The following DCHS1 variants were observed in gnomAD, a reference collection of about 807,000 sequenced individuals.
DCHS1 encodes dachsous cadherin-related 1, also known as protocadherin-16.
Under a neutral mutation model 213.9 loss-of-function variants are expected in DCHS1, and 78 were observed. The ratio of observed to expected loss-of-function variants is 0.36; its 90% confidence interval spans 0.30 to 0.44. The LOEUF is 0.44. Ranked by LOEUF, DCHS1 falls within the 20% of genes least tolerant of loss-of-function variation. The pLI is 1.00. For missense variants in DCHS1, 3,946 were observed against 4,395.9 expected, an observed-to-expected ratio of 0.90 and a Z score of 2.89; for synonymous variants, 1,828 against 1,873.7, an observed-to-expected ratio of 0.98 and a Z score of 0.63.
chr11:6,629,836 T>C lies in DCHS1; in HGVS notation c.4871A>G (p.His1624Arg). ...CGTGGCCGAGCGCGGCGGGGAGCCG[T>C]GGTCTGAGGCCACCACTGTCAGTAC... Reference protein sequence around the residue: ...EHVLTVVASDHGSPPRSATQV... With the variant: ...EHVLTVVASDRGSPPRSATQV... The change falls in exon 11 of 21, where the codon CAC (histidine) becomes CGC (arginine). Residue 1624 changes from histidine (H) to arginine (R), a missense_variant. Transcript: ENST00000299441. The C allele has an allele frequency of 6.2e-7, 1 of 1,613,032 alleles. No individual in the cohort carries two copies. The highest frequency in any genetic ancestry group is 1.1e-5 in the South Asian group (1 of 91,078).
rs775661894 is a variant in DCHS1, at chr11:6,640,561, A to G, written c.1053T>C (p.His351=). The G allele has an allele frequency of 6.2e-7, 1 of 1,609,228 alleles. No homozygotes were observed. The highest frequency in any genetic ancestry group is 1.1e-5 in the South Asian group (1 of 91,082). The change falls in exon 2 of 21, where the codon CAT becomes CAC. Residue 351 remains histidine, a synonymous_variant. Coordinates refer to ENST00000299441, the MANE Select transcript of DCHS1 (RefSeq NM_003737.4). The surrounding 1 kb of genome is among the most constrained non-coding windows in gnomAD (Gnocchi z 6.5). ...PELGSAFVTV[H]VRDANDNQPS... ...GCTGATTGTCATTGGCATCTCGCAC[A>G]TGCACAGTCACAAAGGCCGAGCCCA...
chr11:6,626,130 C>A lies in DCHS1; in HGVS notation c.6576+39G>T. On this transcript the variant is annotated intron_variant, in intron 16 of 20. Coordinates refer to ENST00000299441, the MANE Select transcript of DCHS1 (RefSeq NM_003737.4). The surrounding 1 kb of genome is among the most constrained non-coding windows in gnomAD (Gnocchi z 5.2). ...TCTGGCCACAGACAAGTCTGACTAGCCCTGCTCCCCCGCCCAATCTTTCCA... is the reference window on the plus strand; with the variant it reads ...TCTGGCCACAGACAAGTCTGACTAGACCTGCTCCCCCGCCCAATCTTTCCA... The A allele has an allele frequency of 1.3e-6, 2 of 1,594,410 alleles. No individual in the cohort carries two copies. Among genetic ancestry groups the A allele is most frequent in the Non-Finnish European group, 1.7e-6 (2 of 1,170,472 alleles).
intron 1 of DCHS1, among the ~76,000 whole-genome samples, chr11:6,646,979 G>A (rs1035141345): frequency 2.6e-5 from 4 of 152,226 alleles, no homozygotes; most frequent in Admixed American, 1.3e-4. Flanking sequence ...GGAGTGGCCC[G>A]AGGCGCTGAA....
In DCHS1 at chr11:6,623,452, G is replaced by A. The variant is rs768301472; in HGVS notation, c.8224C>T (p.Arg2742Cys). Reference protein sequence around the residue: ...DGDAGAFGRLRYSLLEAGPGP... With the variant: ...DGDAGAFGRLCYSLLEAGPGP... ...GGCCCAGCCTCCAACAGGCTGTAAC[G>A]GAGCCTCCCAAAAGCCCCAGCATCC... The change falls in exon 21 of 21, where the codon CGT (arginine) becomes TGT (cysteine). Residue 2742 changes from arginine (R) to cysteine (C), a missense_variant. By Grantham distance (180) the Arg-to-Cys change is radical. Transcript: ENST00000299441. 7 of 1,581,038 alleles carry A rather than the reference G, an allele frequency of 4.4e-6. No homozygotes were observed. The highest frequency in any genetic ancestry group is 1.7e-4 in the Middle Eastern group (1 of 6,052).
At chr11:6,650,454 T>C (rs1856227430) in intron 1 of DCHS1, among the ~76,000 whole-genome samples, 2 of 151,832 alleles carry the variant, frequency 1.3e-5, no homozygotes, top group South Asian at 2.1e-4. Context: ...TAGGAGACAA[T>C]AGCATGAACC....
Position 6,625,666 on chromosome 11 carries a change from C to T in DCHS1, c.6793G>A (p.Val2265Met). 1 of 1,613,342 alleles carries T rather than the reference C, an allele frequency of 6.2e-7. No individual in the cohort carries two copies. Among genetic ancestry groups the T allele is most frequent in the Non-Finnish European group, 8.5e-7 (1 of 1,179,780 alleles). ...TTGTCATTGGTGTCGATGACCATCA[C>T]CGTCAAGGTAGCTGAGCCCACCAGG... ...PALVGSATLT[V>M]MVIDTNDNRP... Residue 2265 changes from valine (V) to methionine (M), a missense_variant, in exon 18 of 21, where the codon GTG becomes ATG. This residue lies in a region of DCHS1 where 3,384 missense variants were observed against 3,780.1 expected (regional missense o/e 0.90). Coordinates refer to ENST00000299441, the MANE Select transcript of DCHS1 (RefSeq NM_003737.4). This position sits in a 1 kb window ranked among gnomAD's most constrained non-coding sequence, Gnocchi z 5.3.
chr11:6,653,663 C>T (rs1171311192), intron 1 of DCHS1, among the ~76,000 whole-genome samples: 3 of 152,070 alleles, frequency 2.0e-5, no homozygotes, highest in East Asian at 1.9e-4. Flanking sequence ...TTTATAGAAG[C>T]GTCCCCTGGT....
Position 6,622,397 on chromosome 11 carries a change from T to C in DCHS1, c.9279A>G (p.Arg3093=), listed in dbSNP as rs1855710851. The C allele has an allele frequency of 1.3e-6, 2 of 1,557,328 alleles. No homozygotes were observed. The highest frequency in any genetic ancestry group is 1.9e-5 in the Admixed American group (1 of 52,460). ...CACCTGGCAGCAGCAGCCCTGCCTT[T>C]CGGCCCTTATACCAGGTGTCAGGGG... The part of the protein sequence containing the change: ...PPAPDTWYKG[R]KAGLLLPGAG... The change falls in exon 21 of 21, where the codon CGA becomes CGG. Residue 3093 remains arginine, a synonymous_variant. Transcript: ENST00000299441. The surrounding 1 kb of genome is among the most constrained non-coding windows in gnomAD (Gnocchi z 5.4).
At position 6,631,093 on chromosome 11, in the gene DCHS1, C is replaced by G; in HGVS notation, c.3890G>C (p.Gly1297Ala). 1.2e-6 allele frequency: 2 copies of G among 1,612,984 alleles called. No individual in the cohort carries two copies. Among genetic ancestry groups the G allele is most frequent in the Non-Finnish European group, 1.7e-6 (2 of 1,179,216 alleles). Residue 1297 changes from glycine to alanine, a missense_variant, in exon 9 of 21, where the codon GGC becomes GCC. Physicochemically the swap from Gly to Ala is moderately conservative, Grantham distance 60. Around this residue, in one of 3 missense-constraint regions of DCHS1, gnomAD observed 3,384 missense variants for 3,780.1 expected, o/e 0.90. Transcript: ENST00000299441. ...YVLTLSAHDQ[G>A]SPPRSASLQL... ...GAGGCTGGCACTTCGAGGAGGGCTG[C>G]CTTGGTCATGAGCACTCAGTGTCAG...
At chr11:6,648,110 G>A (rs1275202033) in intron 1 of DCHS1, among the ~76,000 whole-genome samples, 4 of 152,230 alleles carry the variant, frequency 2.6e-5, no homozygotes, top group African/African-American at 9.6e-5. Context: ...ATCCCCATGT[G>A]AAGATATTCA....
Position 6,627,325 on chromosome 11 carries a change from T to A in DCHS1, c.5714A>T (p.Glu1905Val). ...GAGTAGAFLL[E>V]PSSGELRTAA... is the part of the protein sequence containing the mutation. ...TGTGCGCAGTTCTCCAGAGCTGGGC[T>A]CCAGCAGGAAGGCTCCTGCTGTACC... The change falls in exon 14 of 21, where the codon GAG becomes GTG. Residue 1905 changes from glutamate to valine, a missense_variant. Around this residue, in one of 3 missense-constraint regions of DCHS1, gnomAD observed 3,384 missense variants for 3,780.1 expected, o/e 0.90. Transcript: ENST00000299441. The surrounding 1 kb of genome is among the most constrained non-coding windows in gnomAD (Gnocchi z 5.4). The A allele has an allele frequency of 6.2e-7, 1 of 1,610,436 alleles. No individual in the cohort carries two copies. The highest frequency in any genetic ancestry group is 2.2e-5 in the East Asian group (1 of 44,792).
intron 6 of DCHS1, 88 bp from the exon 7 acceptor site, chr11:6,631,897 G>A (rs186090878): frequency 1.3e-5 from 19 of 1,453,400 alleles, no homozygotes; most frequent in East Asian, 2.4e-5. Flanking sequence ...TTTGGGGAGT[G>A]GGGGAGGGAA....
chr11:6,655,488 C>G (rs1856302143), intron 1 of DCHS1, 75 bp downstream of exon 1: 2 of 925,358 alleles, frequency 2.2e-6, no homozygotes, highest in Non-Finnish European at 2.6e-6. Flanking sequence ...GCTCCGCCGC[C>G]GCTGCCGCAG....
Position 6,633,902 on chromosome 11 carries a change from G to A in DCHS1, c.2105C>T (p.Thr702Ile). Residue 702 changes from threonine to isoleucine, a missense_variant, in exon 4 of 21, where the codon ACA becomes ATA. This residue lies in a region of DCHS1 where 3,384 missense variants were observed against 3,780.1 expected (regional missense o/e 0.90). Transcript: ENST00000299441. The part of the protein sequence containing the change: ...ASISAQSPPG[T>I]AVLRLRAHDP... ...ATGGGCACGCAACCTCAGCACAGCTGTGCCTGGTGGACTCTGGGCACTTAT... is the reference window on the plus strand; with the variant it reads ...ATGGGCACGCAACCTCAGCACAGCTATGCCTGGTGGACTCTGGGCACTTAT... 1 of 1,614,010 alleles carries A rather than the reference G, an allele frequency of 6.2e-7. No homozygotes were observed. Among genetic ancestry groups the A allele is most frequent in the Non-Finnish European group, 8.5e-7 (1 of 1,179,892 alleles).
chr11:6,632,458 C>T lies in DCHS1; in HGVS notation c.3054G>A (p.Gln1018=), dbSNP rs1464044340. 1 of 1,596,664 alleles carries T rather than the reference C, an allele frequency of 6.3e-7. No individual in the cohort carries two copies. The highest frequency in any genetic ancestry group is 1.3e-5 in the African/African-American group (1 of 74,686). The change falls in exon 6 of 21, where the codon CAG becomes CAA. Residue 1018 remains glutamine (Q), a synonymous_variant. Coordinates refer to ENST00000299441, the MANE Select transcript of DCHS1 (RefSeq NM_003737.4). This position sits in a 1 kb window ranked among gnomAD's most constrained non-coding sequence, Gnocchi z 5.9. ...GTGCTTGGGCCTGCACTTGCAGGACCTGAGTTCCAGCAGTGGTGCCTGAGG... is the reference window on the plus strand; with the variant it reads ...GTGCTTGGGCCTGCACTTGCAGGACTTGAGTTCCAGCAGTGGTGCCTGAGG... ...DLPSGTTAGT[Q]VLQVQAQAPD...
intron 1 of DCHS1, among the ~76,000 whole-genome samples, chr11:6,649,177 GA>G (rs1856209447): frequency 6.6e-6 from 1 of 151,318 alleles, no homozygotes; most frequent in African/African-American, 2.4e-5. Context: ...AGGGCTCAAA[GA>G]AGGTAGCAGA....
At position 6,625,215 on chromosome 11, in the gene DCHS1, A is replaced by C; in HGVS notation, c.7129T>G (p.Ser2377Ala). 6.3e-7 allele frequency: 1 copy of C among 1,597,948 alleles called. No individual in the cohort carries two copies. Among genetic ancestry groups the C allele is most frequent in the Non-Finnish European group, 8.5e-7 (1 of 1,170,752 alleles). The change falls in exon 19 of 21, where the codon TCA becomes GCA. Residue 2377 changes from serine to alanine, a missense_variant. Coordinates refer to ENST00000299441, the MANE Select transcript of DCHS1 (RefSeq NM_003737.4). This position sits in a 1 kb window ranked among gnomAD's most constrained non-coding sequence, Gnocchi z 5.3. Reference protein sequence around the residue: ...EDVNDNAPAFSQSLYQVMLLE... With the variant: ...EDVNDNAPAFAQSLYQVMLLE... Reference sequence around the variant, plus strand: ...GTCAATACCTGGTAGAGGCTCTGTGAGAAGGCAGGTGCATTGTCATTGACA... The same window carrying C: ...GTCAATACCTGGTAGAGGCTCTGTGCGAAGGCAGGTGCATTGTCATTGACA...
intron 1 of DCHS1, among the ~76,000 whole-genome samples, chr11:6,653,351 CTAGGTTACTCTG>C (rs1856271745): frequency 6.6e-6 from 1 of 152,216 alleles, no homozygotes; most frequent in Non-Finnish European, 1.5e-5. Flanking sequence ...CTACACTGGC[CTAGGTTACTCTG>C]CTGTGTGCTG....
rs756415968 is a variant in DCHS1, at chr11:6,640,914, G to T, written c.700C>A (p.Pro234Thr). ...TCCAGCAGGGCCTGGGCCCTCCGGG[G>T]GGGTGAACCACCATCATAGGCCTCC... is the stretch of plus-strand genomic sequence containing the variant. Reference protein sequence around the residue: ...QLEAYDGGSPPRRAQALLDVT... With the variant: ...QLEAYDGGSPTRRAQALLDVT... The change falls in exon 2 of 21, where the codon CCC becomes ACC. Residue 234 changes from proline to threonine, a missense_variant. Physicochemically the swap from Pro to Thr is conservative, Grantham distance 38. This residue lies in a region of DCHS1 where 3,384 missense variants were observed against 3,780.1 expected (regional missense o/e 0.90). Coordinates refer to ENST00000299441, the MANE Select transcript of DCHS1 (RefSeq NM_003737.4). The surrounding 1 kb of genome is among the most constrained non-coding windows in gnomAD (Gnocchi z 6.5). 5.0e-6 allele frequency: 8 copies of T among 1,614,062 alleles called. 1 individual carries two copies. The South Asian group carries it at 6.6e-5, about 13-fold the overall frequency.
Sources: allele counts gnomAD v4.1 joint callset (sites outside exome capture counted in the v4.1 genomes callset), GRCh38; gene constraint gnomAD v4.1.1; regional missense constraint gnomAD v4.1.1; non-coding constraint Gnocchi (gnomAD v3.1); transcripts MANE v1.5; gene names NCBI Gene and HGNC (gene_info 2026-07-23, HGNC 2026-07-21).